Variants in PDE9A observed in about 807,000 individuals in gnomAD.
PDE9A encodes the protein phosphodiesterase 9A, also known as high affinity cGMP-specific 3',5'-cyclic phosphodiesterase 9A.
In PDE9A, 60 loss-of-function variants were observed where a neutral mutation model predicts 87.4. That is an observed-to-expected ratio of 0.69 (90% CI 0.56 to 0.85). The LOEUF (loss-of-function observed/expected upper bound fraction) is 0.85, where lower values mean the gene tolerates loss of function less well. PDE9A is among the 40% of genes least tolerant of loss of function. The probability of loss-of-function intolerance (pLI) is 0.00; values close to 1 mark genes in which losing one functional copy is unlikely to be tolerated. For synonymous variants in PDE9A, 272 were observed against 279.4 expected, an observed-to-expected ratio of 0.97 and a Z score of 0.27; for missense variants, 665 against 779.0, an observed-to-expected ratio of 0.85 and a Z score of 1.74.
intron 13 of PDE9A, 106 bp downstream of exon 13, chr21:42,761,013 G>A (rs2147103951): frequency 6.5e-6 from 5 of 763,560 alleles, no homozygotes; most frequent in Middle Eastern, 2.3e-4. Flanking sequence ...AGCTGTCAAC[G>A]ACGGCCTCCC....
At chr21:42,753,063 G>A (rs2086222194) in intron 9 of PDE9A, among the ~76,000 whole-genome samples, 1 of 152,116 alleles carries the variant, frequency 6.6e-6, no homozygotes, top group Admixed American at 6.5e-5. Context: ...CTGGTGTGCA[G>A]TGGCACGATC....
rs1023345169 is a variant in PDE9A at position 42,692,571 on chromosome 21, G to T, written c.218+4577G>T. ...AGCACAGAGCTCCCCTCAGTCTCTG[G>T]TTTGTGACGGAGGTGGGCCCCGAGA... is the stretch of plus-strand genomic sequence containing the variant. On this transcript the variant is annotated intron_variant, in intron 3 of 19. Transcript: ENST00000291539. This position sits in a 1 kb window ranked among gnomAD's most constrained non-coding sequence, Gnocchi z 4.3. 6.6e-6 allele frequency among the ~76,000 whole-genome samples: 1 copy of T among 152,120 alleles called. No homozygotes were observed. The highest frequency in any genetic ancestry group is 1.5e-5 in the Non-Finnish European group (1 of 68,012).
intron 14 of PDE9A, among the ~76,000 whole-genome samples, chr21:42,764,591 C>T (rs564690848): frequency 2.6e-5 from 4 of 152,344 alleles, no homozygotes; most frequent in African/African-American, 7.2e-5. Context: ...GAGGAGCAGC[C>T]GCTCTGCACA....
In PDE9A at chr21:42,673,314, G is replaced by C. The variant is rs139349831; in HGVS notation, c.70-12878G>C. On this transcript the variant is annotated intron_variant, in intron 1 of 19. Coordinates refer to ENST00000291539, the MANE Select transcript of PDE9A (RefSeq NM_002606.3). ...TCAACAACTGACCAGGGCGATCCTA[G>C]AGGTAAGAGACAGCCGAATGGCACG... Among the ~76,000 whole-genome samples, 89 of 152,244 alleles carry C rather than the reference G, an allele frequency of 5.8e-4. No homozygotes were observed. In the East Asian group the frequency reaches 8.1e-3, roughly 14 times the overall value.
At chr21:42,726,604 A>T (rs2051075665) in intron 4 of PDE9A, among the ~76,000 whole-genome samples, 3 of 15,490 alleles carry the variant, frequency 1.9e-4, no homozygotes, top group African/African-American at 1.6e-3. Context: ...ATATATATAT[A>T]TATATATATA....
At chr21:42,680,785 GC>G (rs1472877500) in intron 1 of PDE9A, among the ~76,000 whole-genome samples, 1 of 152,166 alleles carries the variant, frequency 6.6e-6, no homozygotes, top group Non-Finnish European at 1.5e-5. Flanking sequence ...CTCCATTCCC[GC>G]CTTTCTGAAG....
rs2050769128 is a variant in PDE9A at position 42,723,857 on chromosome 21, G to T, written c.263-7913G>T. 6.6e-6 allele frequency among the ~76,000 whole-genome samples: 1 copy of T among 152,152 alleles called. No individual in the cohort carries two copies. The highest frequency in any genetic ancestry group is 2.4e-5 in the African/African-American group (1 of 41,446). On this transcript the variant is annotated intron_variant, in intron 4 of 19. Coordinates refer to ENST00000291539, the MANE Select transcript of PDE9A (RefSeq NM_002606.3). The surrounding 1 kb of genome is among the most constrained non-coding windows in gnomAD (Gnocchi z 4.3). ...TGAATTACCAGCATCCCAGGCCATT[G>T]CTGGGTTTTCTTAAAACTATTAAGA...
rs182674004 is a variant in PDE9A at position 42,675,967 on chromosome 21, T to C, written c.70-10225T>C. Among the ~76,000 whole-genome samples the C allele has an allele frequency of 1.1e-4, 16 of 152,316 alleles. No individual in the cohort carries two copies. The East Asian group carries it at 2.7e-3, about 26-fold the overall frequency. ...TCACAAATGGTTTAGTGCCATCCCC[T>C]TGGTGCTATCCTTGAGATAGTGAAT... On this transcript the variant is annotated intron_variant, in intron 1 of 19. Coordinates refer to ENST00000291539, the MANE Select transcript of PDE9A (RefSeq NM_002606.3). This position sits in a 1 kb window ranked among gnomAD's most constrained non-coding sequence, Gnocchi z 4.3.
intron 3 of PDE9A, among the ~76,000 whole-genome samples, chr21:42,690,825 A>G (rs1452676757): frequency 1.3e-5 from 2 of 152,132 alleles, no homozygotes; most frequent in South Asian, 2.1e-4. Context: ...CGCCCGCACC[A>G]TGCCCAGCCC....
rs147381118 is a variant in PDE9A, at chr21:42,744,984, A to G, written c.653+1124A>G. Among the ~76,000 whole-genome samples the G allele has an allele frequency of 4.3e-3, 654 of 152,332 alleles. 3 individuals are homozygous for G. The highest frequency in any genetic ancestry group is 0.013 in the African/African-American group (553 of 41,576). ...CATATGATGTGGCTCATGGTTCCCC[A>G]GAGTGCCACTGCCCGGCCTCAGTGG... is the stretch of plus-strand genomic sequence containing the variant. On this transcript the variant is annotated intron_variant, in intron 8 of 19. Transcript: ENST00000291539.
chr21:42,724,302 AC>A (rs1441986419), intron 4 of PDE9A, among the ~76,000 whole-genome samples: 1 of 152,238 alleles, frequency 6.6e-6, no homozygotes, highest in South Asian at 2.1e-4. Flanking sequence ...AATAATGCCA[AC>A]AGCAATAGCA....
intron 4 of PDE9A, among the ~76,000 whole-genome samples, chr21:42,725,268 G>A (rs548073700): frequency 8.8e-4 from 134 of 151,520 alleles, no homozygotes; most frequent in Non-Finnish European, 1.4e-3. Flanking sequence ...ACAGAGTTTC[G>A]CTCTTGTTGC....
intron 3 of PDE9A, chr21:42,689,657 G>C (rs1321734602): frequency 1.0e-6 from 1 of 985,294 alleles, no homozygotes; most frequent in East Asian, 1.1e-4. Flanking sequence ...AGCCCACCTT[G>C]ACCCTTCTAA....
At position 42,733,432 on chromosome 21, in the gene PDE9A, T is replaced by A. The variant is rs1172396244; in HGVS notation, c.568+6T>A. 6.4e-7 allele frequency: 1 copy of A among 1,562,722 alleles called. No homozygotes were observed. Reference sequence around the variant, plus strand: ...CCTAGAGAAACGCGTGGAATGTGAGTGACGTTTCTGTTTCCTTTTTGCTTC... The same window carrying A: ...CCTAGAGAAACGCGTGGAATGTGAGAGACGTTTCTGTTTCCTTTTTGCTTC... On this transcript the variant is annotated splice_donor_region_variant and intron_variant, in intron 7 of 19. Coordinates refer to ENST00000291539, the MANE Select transcript of PDE9A (RefSeq NM_002606.3).
intron 6 of PDE9A, among the ~76,000 whole-genome samples, chr21:42,732,752 G>GA (rs773786645): frequency 1.3e-5 from 2 of 151,912 alleles, no homozygotes; most frequent in Non-Finnish European, 2.9e-5. Flanking sequence ...CCGTCTCTAC[G>GA]AAAAATACAA....
chr21:42,733,404 T>C lies in PDE9A; in HGVS notation c.546T>C (p.Ala182=). 6.2e-7 allele frequency: 1 copy of C among 1,603,440 alleles called. No homozygotes were observed. Among genetic ancestry groups the C allele is most frequent in the Non-Finnish European group, 8.5e-7 (1 of 1,170,120 alleles). Residue 182 remains alanine (A), a synonymous_variant, in exon 7 of 20, where the codon GCT becomes GCC. Coordinates refer to ENST00000291539, the MANE Select transcript of PDE9A (RefSeq NM_002606.3). ...ELKAEVANHL[A]VLEKRVELEG... Reference sequence around the variant, plus strand: ...AAGCTGAAGTTGCAAATCACTTGGCTGTCCTAGAGAAACGCGTGGAATGTG... The same window carrying C: ...AAGCTGAAGTTGCAAATCACTTGGCCGTCCTAGAGAAACGCGTGGAATGTG...
chr21:42,709,265 A>G (rs1415082241), intron 4 of PDE9A, among the ~76,000 whole-genome samples: 3 of 152,186 alleles, frequency 2.0e-5, no homozygotes, highest in Non-Finnish European at 2.9e-5. Context: ...GAACACATGG[A>G]CACAGGGAGG....
intron 1 of PDE9A, among the ~76,000 whole-genome samples, chr21:42,654,889 G>C (rs892400721): frequency 2.6e-5 from 4 of 152,190 alleles, no homozygotes; most frequent in African/African-American, 9.7e-5. Context: ...TCAGATAACC[G>C]GGAGGAGGAA....
chr21:42,690,035 A>G (rs2059708859), intron 3 of PDE9A: 3 of 985,400 alleles, frequency 3.0e-6, no homozygotes, highest in Non-Finnish European at 3.6e-6. Context: ...GTGGAGACAG[A>G]CGCGGATGAG....
Sources: allele counts gnomAD v4.1 joint callset (sites outside exome capture counted in the v4.1 genomes callset), GRCh38; gene constraint gnomAD v4.1.1; non-coding constraint Gnocchi (gnomAD v3.1); transcripts MANE v1.5; gene names NCBI Gene and HGNC (gene_info 2026-07-23, HGNC 2026-07-21).